The following PPP2R2C variants were observed in gnomAD, a reference collection of about 807,000 sequenced individuals.
PPP2R2C encodes protein phosphatase 2 regulatory subunit Bgamma.
PPP2R2C carries 10 observed loss-of-function variants against 45.3 expected under a neutral mutation model. The observed-to-expected ratio is 0.22, with a 90% CI of 0.14 to 0.37. The LOEUF is 0.37. PPP2R2C is among the 10% of genes least tolerant of loss of function. The pLI is 1.00. For synonymous variants in PPP2R2C, 257 were observed against 245.4 expected (o/e 1.05, Z -0.44); for missense variants, 308 against 619.7 (o/e 0.50, Z 5.34).
rs150030057 is a variant in PPP2R2C at position 6,423,650 on chromosome 4, A to T, written c.71-42556T>A. ...TAATACAGTACTTTGGAGGAAATGAACAAAGGGTTGAAGTGAGAAAATGGG... is the reference window on the plus strand; with the variant it reads ...TAATACAGTACTTTGGAGGAAATGATCAAAGGGTTGAAGTGAGAAAATGGG... On this transcript the variant is annotated intron_variant, in intron 1 of 8. Coordinates refer to ENST00000382599, the MANE Select transcript of PPP2R2C (RefSeq NM_020416.4). Among the ~76,000 whole-genome samples, 522 of 152,372 alleles carry T rather than the reference A, an allele frequency of 3.4e-3. 4 individuals carry two copies. The highest frequency in any genetic ancestry group is 0.012 in the African/African-American group (488 of 41,588).
chr4:6,327,518 A>G (rs1413751728), intron 8 of PPP2R2C, among the ~76,000 whole-genome samples: 1 of 152,232 alleles, frequency 6.6e-6, no homozygotes, highest in African/African-American at 2.4e-5. Flanking sequence ...CCTACCCCGC[A>G]AAACGCACAT....
upstream of PPP2R2C, among the ~76,000 whole-genome samples, chr4:6,476,000 C>T (rs896805966): frequency 1.3e-5 from 2 of 152,168 alleles, no homozygotes; most frequent in Non-Finnish European, 2.9e-5. Context: ...CGGGAGCACA[C>T]GGCGAGACAG....
intron 4 of PPP2R2C, among the ~76,000 whole-genome samples, chr4:6,373,321 T>C (rs777222758): frequency 2.0e-5 from 3 of 152,224 alleles, no homozygotes; most frequent in Non-Finnish European, 4.4e-5. Context: ...TGCATTTCCG[T>C]GCTCGGCCCT....
intron 1 of PPP2R2C, among the ~76,000 whole-genome samples, chr4:6,550,363 C>T (rs1357356408): frequency 6.6e-6 from 1 of 152,154 alleles, no homozygotes; most frequent in African/African-American, 2.4e-5. Context: ...CAAGACACCC[C>T]CACTACCCTC....
chr4:6,435,419 G>A (rs572552408), intron 1 of PPP2R2C, among the ~76,000 whole-genome samples: 56 of 152,328 alleles, frequency 3.7e-4, no homozygotes, highest in African/African-American at 1.3e-3. Context: ...GTTTAGAGGT[G>A]TGATTGCTCA....
chr4:6,540,480 T>C (rs1724773294), intron 1 of PPP2R2C, among the ~76,000 whole-genome samples: 1 of 152,278 alleles, frequency 6.6e-6, no homozygotes, highest in Non-Finnish European at 1.5e-5. Flanking sequence ...CATCAGTTGA[T>C]GGACATTTGG....
chr4:6,346,098 G>A (rs1006388398), intron 6 of PPP2R2C, among the ~76,000 whole-genome samples: 14 of 152,258 alleles, frequency 9.2e-5, no homozygotes, highest in Admixed American at 3.3e-4. Flanking sequence ...ATCCAGAGGG[G>A]GCAGCCAGGT....
intron 2 of PPP2R2C, among the ~76,000 whole-genome samples, chr4:6,530,597 T>A (rs1303528011): frequency 1.3e-5 from 2 of 151,998 alleles, no homozygotes; most frequent in Non-Finnish European, 2.9e-5. Context: ...GACAGCAGGG[T>A]GTGACTCTGA....
chr4:6,377,333 C>T (rs1715398590), intron 3 of PPP2R2C, among the ~76,000 whole-genome samples: 1 of 152,096 alleles, frequency 6.6e-6, no homozygotes, highest in South Asian at 2.1e-4. Context: ...AAGGTCACTG[C>T]CCAAGGGAGG....
At position 6,458,729 on chromosome 4, in the gene PPP2R2C, G is replaced by A. The variant is rs186911354; in HGVS notation, c.70+13431C>T. Among the ~76,000 whole-genome samples the A allele has an allele frequency of 2.5e-3, 376 of 152,178 alleles. 2 individuals are homozygous for A. The highest frequency in any genetic ancestry group is 8.4e-3 in the African/African-American group (347 of 41,520). ...AGGTGCTGAGCTGGCAGGGTGCAGCGGAAGCAGGCATGACCCAGCAGGCAT... is the reference window on the plus strand; with the variant it reads ...AGGTGCTGAGCTGGCAGGGTGCAGCAGAAGCAGGCATGACCCAGCAGGCAT... On this transcript the variant is annotated intron_variant, in intron 1 of 8. Transcript: ENST00000382599.
intron 4 of PPP2R2C, among the ~76,000 whole-genome samples, chr4:6,373,700 G>A (rs370525078): frequency 1.3e-5 from 2 of 152,178 alleles, no homozygotes; most frequent in African/African-American, 2.4e-5. Context: ...TGACAGCCTC[G>A]GTGCTGCAGT....
intron 1 of PPP2R2C, chr4:6,383,635 C>T: frequency 8.1e-6 from 4 of 491,074 alleles, no homozygotes; most frequent in Non-Finnish European, 1.3e-5. Flanking sequence ...CTGCTGTCTG[C>T]ACCCCAGCAC....
chr4:6,563,192 G>A lies in PPP2R2C; in HGVS notation c.-59+368C>T, dbSNP rs1725640717. On this transcript the variant is annotated intron_variant, in intron 1 of 9. Coordinates refer to the PPP2R2C transcript ENST00000506140. The surrounding 1 kb of genome is among the most constrained non-coding windows in gnomAD (Gnocchi z 5.8). ...GAGCGCGCCGGTTCTCGGCCGAGAC[G>A]CTGTGGCTGACACCGGTGGAGCGAT... is the stretch of plus-strand genomic sequence containing the variant. Among the ~76,000 whole-genome samples the A allele has an allele frequency of 6.6e-6, 1 of 152,188 alleles. No homozygotes were observed. The highest frequency in any genetic ancestry group is 6.5e-5 in the Admixed American group (1 of 15,288).
intron 5 of PPP2R2C, among the ~76,000 whole-genome samples, chr4:6,363,535 A>C (rs10015919): frequency 0.9 from 136,680 of 151,412 alleles, 62,430 homozygotes; most frequent in East Asian, 1. Context: ...GCCGAGATTG[A>C]GCCACTGCAC....
chr4:6,381,912 G>A (rs1437535621), intron 1 of PPP2R2C: 1 of 1,583,292 alleles, frequency 6.3e-7, no homozygotes, highest in Non-Finnish European at 8.6e-7. Flanking sequence ...ACATTCTCAG[G>A]TTCTACGAGT....
intron 5 of PPP2R2C, among the ~76,000 whole-genome samples, chr4:6,354,239 G>A (rs1429936708): frequency 2.0e-5 from 3 of 151,662 alleles, no homozygotes; most frequent in Non-Finnish European, 4.4e-5. Flanking sequence ...CCCCACCGAG[G>A]AGGTCGGACT....
chr4:6,466,266 G>A (rs1297156457), intron 1 of PPP2R2C, among the ~76,000 whole-genome samples: 1 of 152,132 alleles, frequency 6.6e-6, no homozygotes, highest in Non-Finnish European at 1.5e-5. Context: ...TCATTCCCAG[G>A]CTCCCCCGTC....
chr4:6,512,212 ATGG>A (rs1443911943), intron 2 of PPP2R2C, among the ~76,000 whole-genome samples: 22 of 16,028 alleles, frequency 1.4e-3, no homozygotes, highest in African/African-American at 5.9e-3. Context: ...GGTGGTGGTG[ATGG>A]TGGTGTTGGT....
At chr4:6,405,573 C>T (rs1223473266) in intron 1 of PPP2R2C, among the ~76,000 whole-genome samples, 1 of 152,188 alleles carries the variant, frequency 6.6e-6, no homozygotes, top group African/African-American at 2.4e-5. Flanking sequence ...ACTTTCATTA[C>T]TCTTTATGGC....
Sources: allele counts gnomAD v4.1 joint callset (sites outside exome capture counted in the v4.1 genomes callset), GRCh38; gene constraint gnomAD v4.1.1; non-coding constraint Gnocchi (gnomAD v3.1); transcripts MANE v1.5; gene names NCBI Gene and HGNC (gene_info 2026-07-23, HGNC 2026-07-21).